Variants in SDK1 observed in about 807,000 individuals in gnomAD.
SDK1 encodes the protein protein sidekick-1.
Under a neutral mutation model 245.5 loss-of-function variants are expected in SDK1, and 157 were observed. That is an observed-to-expected ratio of 0.64 (90% CI 0.56 to 0.73). The LOEUF (loss-of-function observed/expected upper bound fraction) is 0.73. Ranked by LOEUF, SDK1 falls within the 30% of genes least tolerant of loss-of-function variation. The probability of loss-of-function intolerance (pLI) is 0.00; values close to 1 mark genes in which losing one functional copy is unlikely to be tolerated. For missense variants in SDK1, 3,583 were observed against 3,002.3 expected (o/e 1.19, Z -4.52); for synonymous variants, 1,647 against 1,278.5 (o/e 1.29, Z -6.15).
chr7:3,580,631 A>T (rs1455364450), intron 1 of SDK1, among the ~76,000 whole-genome samples: 2 of 152,164 alleles, frequency 1.3e-5, no homozygotes, highest in African/African-American at 4.8e-5. Flanking sequence ...AAATCAACTC[A>T]AGATGGATTA....
chr7:4,080,323 T>C (rs1378499858), intron 22 of SDK1, among the ~76,000 whole-genome samples: 1 of 152,138 alleles, frequency 6.6e-6, no homozygotes, highest in Non-Finnish European at 1.5e-5. Context: ...AATAGGATCA[T>C]GCTGGCATTG....
At chr7:3,914,009 C>A (rs570144080) in intron 5 of SDK1, among the ~76,000 whole-genome samples, 28 of 152,292 alleles carry the variant, frequency 1.8e-4, no homozygotes, top group African/African-American at 6.3e-4. Flanking sequence ...CTGAAAGCTT[C>A]TTGCCCTATT....
chr7:4,088,086 A>T (rs1180314311), intron 22 of SDK1, among the ~76,000 whole-genome samples: 4 of 152,118 alleles, frequency 2.6e-5, no homozygotes, highest in Admixed American at 6.5e-5. Flanking sequence ...AAGGTGTTGG[A>T]TTACCTGCCG....
chr7:4,208,811 C>T (rs992583444), intron 37 of SDK1, among the ~76,000 whole-genome samples: 2 of 152,248 alleles, frequency 1.3e-5, no homozygotes, highest in Admixed American at 1.3e-4. Flanking sequence ...ACAGGTGCTG[C>T]GCTGCTGTGG....
intron 4 of SDK1, among the ~76,000 whole-genome samples, chr7:3,765,478 A>G (rs934121690): frequency 6.6e-6 from 1 of 152,172 alleles, no homozygotes; most frequent in Non-Finnish European, 1.5e-5. Flanking sequence ...TGCTTGTAAG[A>G]TTCACCTGCG....
At chr7:3,693,461 C>G (rs1784488780) in intron 4 of SDK1, among the ~76,000 whole-genome samples, 2 of 152,140 alleles carry the variant, frequency 1.3e-5, no homozygotes, top group African/African-American at 4.8e-5. Context: ...TTGAGGAGAA[C>G]TGACATCTTT....
chr7:3,337,550 G>A (rs1404696313), intron 1 of SDK1, among the ~76,000 whole-genome samples: 1 of 152,126 alleles, frequency 6.6e-6, no homozygotes, highest in African/African-American at 2.4e-5. Flanking sequence ...AGCTGAGTGA[G>A]CCCCAGACAG....
At chr7:3,741,282 G>T (rs1321550288) in intron 4 of SDK1, among the ~76,000 whole-genome samples, 1 of 152,100 alleles carries the variant, frequency 6.6e-6, no homozygotes, top group East Asian at 1.9e-4. Flanking sequence ...CTTTAGGAAG[G>T]CCCTGTCAGC....
intron 1 of SDK1, among the ~76,000 whole-genome samples, chr7:3,568,367 T>A (rs1321734667): frequency 1.3e-5 from 2 of 152,208 alleles, no homozygotes; most frequent in African/African-American, 4.8e-5. Flanking sequence ...ACTGCTCTTT[T>A]TCCCTCTATT....
chr7:3,848,734 C>T (rs886928457), intron 5 of SDK1, among the ~76,000 whole-genome samples: 2 of 151,684 alleles, frequency 1.3e-5, no homozygotes, highest in East Asian at 1.9e-4. Flanking sequence ...TGCAGTGGCG[C>T]GATCACGGCT....
At chr7:3,435,499 T>TATTATG (rs765729073) in intron 1 of SDK1, among the ~76,000 whole-genome samples, 24 of 150,666 alleles carry the variant, frequency 1.6e-4, no homozygotes, top group Non-Finnish European at 1.6e-4. Context: ...CCCAGCTAAT[T>TATTATG]ATTATGATTA....
At chr7:3,536,897 AGTT>A (rs1308133822) in intron 1 of SDK1, among the ~76,000 whole-genome samples, 1 of 152,224 alleles carries the variant, frequency 6.6e-6, no homozygotes, top group Non-Finnish European at 1.5e-5. Flanking sequence ...ATGAATCAGT[AGTT>A]GTTTAGTTGA....
At chr7:4,219,521 A>G (rs1323372849) in intron 38 of SDK1, among the ~76,000 whole-genome samples, 2 of 152,202 alleles carry the variant, frequency 1.3e-5, no homozygotes, top group African/African-American at 4.8e-5. Flanking sequence ...ATCAGATCTC[A>G]TGAGACGTAT....
chr7:4,196,833 G>A (rs577476752), intron 35 of SDK1, among the ~76,000 whole-genome samples: 11 of 152,292 alleles, frequency 7.2e-5, no homozygotes, highest in South Asian at 2.1e-4. Flanking sequence ...AGAAGCATTC[G>A]GAGAGGATTT....
intron 4 of SDK1, among the ~76,000 whole-genome samples, chr7:3,781,032 C>G (rs1441347782): frequency 6.6e-6 from 1 of 152,064 alleles, no homozygotes; most frequent in South Asian, 2.1e-4. Context: ...CCTGCCTGAC[C>G]AGGAGGTCAA....
At chr7:4,052,973 G>C (rs915846867) in intron 19 of SDK1, among the ~76,000 whole-genome samples, 2 of 151,224 alleles carry the variant, frequency 1.3e-5, no homozygotes, top group Admixed American at 6.6e-5. Flanking sequence ...TGTAATCCCA[G>C]CTACTCGGGA....
chr7:4,107,062 G>A (rs976430936), intron 22 of SDK1, among the ~76,000 whole-genome samples: 2 of 149,648 alleles, frequency 1.3e-5, no homozygotes, highest in Non-Finnish European at 3.0e-5. Flanking sequence ...GGACCCCAGC[G>A]TTCCTCAGTC....
chr7:3,894,108 G>C (rs999798036), intron 5 of SDK1, among the ~76,000 whole-genome samples: 3 of 152,158 alleles, frequency 2.0e-5, no homozygotes, highest in Non-Finnish European at 2.9e-5. Flanking sequence ...CTTCATGCTT[G>C]AAGCTTTTCA....
intron 1 of SDK1, among the ~76,000 whole-genome samples, chr7:3,358,267 C>A (rs1290899177): frequency 1.3e-5 from 2 of 152,166 alleles, no homozygotes; most frequent in Non-Finnish European, 2.9e-5. Context: ...AGTGATCTGC[C>A]CGTCTCAGCC....
Sources: gnomAD v4.1 joint callset for allele counts (sites outside exome capture counted in the v4.1 genomes callset) on GRCh38, gnomAD v4.1.1 for gene constraint, MANE v1.5 for transcripts, NCBI Gene and HGNC (gene_info 2026-07-23, HGNC 2026-07-21) for gene names.